ZFHX3: variants seen among roughly 807,000 people sequenced by gnomAD.
The protein encoded by ZFHX3 is zinc finger homeobox protein 3.
ZFHX3 carries 42 observed loss-of-function variants against 279.1 expected under a neutral mutation model. The ratio of observed to expected loss-of-function variants is 0.15; its 90% CI spans 0.12 to 0.19. The LOEUF (loss-of-function observed/expected upper bound fraction) is 0.19. Among genes scored for constraint, ZFHX3 ranks in the 10% least tolerant of loss-of-function variants. The probability of loss-of-function intolerance (pLI) is 1.00; values close to 1 mark genes in which losing one functional copy is unlikely to be tolerated. For missense variants in ZFHX3, 4,981 were observed against 4,754.0 expected (o/e 1.05, Z -1.40); for synonymous variants, 2,293 against 1,957.8 (o/e 1.17, Z -4.52).
intron 3 of ZFHX3, among the ~76,000 whole-genome samples, chr16:72,925,821 AC>A (rs368535615): frequency 1.4e-3 from 210 of 152,346 alleles, no homozygotes; most frequent in Middle Eastern, 3.4e-3. Flanking sequence ...GTGGGCAGTG[AC>A]CATAGCTTTT....
intron 8 of ZFHX3, among the ~76,000 whole-genome samples, chr16:73,090,455 A>C (rs775783394): frequency 7.2e-5 from 11 of 152,242 alleles, no homozygotes; most frequent in Non-Finnish European, 1.6e-4. Context: ...TTCATAAGGC[A>C]AAAAGTATTC....
At chr16:73,199,098 C>T (rs945286669) in intron 5 of ZFHX3, among the ~76,000 whole-genome samples, 3 of 152,182 alleles carry the variant, frequency 2.0e-5, no homozygotes, top group Admixed American at 6.5e-5. Flanking sequence ...CTAGAGTCAT[C>T]TGTGAATTGG....
At chr16:72,887,189 C>G (rs1319717892) in intron 4 of ZFHX3, among the ~76,000 whole-genome samples, 1 of 152,090 alleles carries the variant, frequency 6.6e-6, no homozygotes, top group Non-Finnish European at 1.5e-5. Context: ...CAGAGAGGAG[C>G]AGGTGGGCAG....
intron 5 of ZFHX3, among the ~76,000 whole-genome samples, chr16:73,188,336 A>G (rs1029214731): frequency 6.6e-6 from 1 of 152,200 alleles, no homozygotes; most frequent in Non-Finnish European, 1.5e-5. Context: ...CTGCGATTAC[A>G]GGCATGAGTC....
intron 2 of ZFHX3, among the ~76,000 whole-genome samples, chr16:73,555,258 G>A (rs943429285): frequency 2.0e-4 from 30 of 151,958 alleles, no homozygotes; most frequent in Non-Finnish European, 2.4e-4. Context: ...GGGTTCAAGC[G>A]ATTCTCCTGC....
intron 1 of ZFHX3, among the ~76,000 whole-genome samples, chr16:73,743,368 G>A (rs370996684): frequency 1.3e-5 from 2 of 152,080 alleles, no homozygotes; most frequent in African/African-American, 4.8e-5. Flanking sequence ...CTTTGTCATC[G>A]CAAATTACAA....
At chr16:73,147,406 A>T (rs1272097466) in intron 5 of ZFHX3, among the ~76,000 whole-genome samples, 5 of 151,238 alleles carry the variant, frequency 3.3e-5, no homozygotes, top group Admixed American at 2.6e-4. Flanking sequence ...AGAATAAAAA[A>T]ATTGGGCCGG....
Position 72,933,813 on chromosome 16 carries a change from C to CTTTTTTTTTTTTTTTTT in ZFHX3, c.3216+16639_3216+16655dup, listed in dbSNP as rs71391468. On this transcript the variant is annotated intron_variant, in intron 3 of 9. Coordinates refer to ENST00000268489, the MANE Select transcript of ZFHX3 (RefSeq NM_006885.4). ...TATGAAATGTTTAGCTCACAACTTT[C>CTTTTTTTTTTTTTTTTT]TTTTTTTTTTTTTTTTTTTTTTTGA... Among the ~76,000 whole-genome samples, 32 of 112,468 alleles carry CTTTTTTTTTTTTTTTTT rather than the reference C, an allele frequency of 2.8e-4. 3 individuals are homozygous for CTTTTTTTTTTTTTTTTT. The highest frequency in any genetic ancestry group is 3.7e-4 in the Non-Finnish European group (19 of 50,700). 73.8% of individuals were successfully genotyped at this position (112,468 alleles called of 152,430 possible). A position where few individuals can be genotyped will look rare whatever the true frequency, so the allele number is the denominator to read the frequency against.
Position 72,800,083 on chromosome 16 carries a change from G to A in ZFHX3, c.3911C>T (p.Ala1304Val), listed in dbSNP as rs1404928271. The A allele has an allele frequency of 5.0e-6, 8 of 1,614,194 alleles. No individual in the cohort carries two copies. In the South Asian group the frequency reaches 8.8e-5, roughly 18 times the overall value. The change falls in exon 8 of 10, where the codon GCA (alanine) becomes GTA (valine). Residue 1304 changes from alanine to valine, a missense_variant. Coordinates refer to ENST00000268489, the MANE Select transcript of ZFHX3 (RefSeq NM_006885.4). Reference protein sequence around the residue: ...MVMPSSMFLPAAVPDRDGNSN... With the variant: ...MVMPSSMFLPVAVPDRDGNSN... ...ATTCCCATCTCGATCTGGAACAGCT[G>A]CTGGGAGGAACATGCTGCTTGGCAT...
intron 3 of ZFHX3, among the ~76,000 whole-genome samples, chr16:73,336,726 A>G (rs374042166): frequency 2.0e-5 from 3 of 152,134 alleles, no homozygotes; most frequent in African/African-American, 4.8e-5. Flanking sequence ...GGGTACAATC[A>G]TTGAAGCCTC....
intron 3 of ZFHX3, among the ~76,000 whole-genome samples, chr16:73,367,681 C>A (rs1021380391): frequency 2.6e-5 from 4 of 152,164 alleles, no homozygotes; most frequent in Admixed American, 2.0e-4. Context: ...GGCTTGAATA[C>A]CTCTATCACC....
At chr16:73,168,210 G>GTTTTCTTTCTTTCTTTC in intron 5 of ZFHX3, among the ~76,000 whole-genome samples, 1 of 90,906 alleles carries the variant, frequency 1.1e-5, no homozygotes, top group Non-Finnish European at 2.4e-5. Context: ...AGTTTCTTTT[G>GTTTTCTTTCTTTCTTTC]TTTTCTTTCT....
At chr16:73,814,003 T>A (rs966136883) in intron 1 of ZFHX3, 4 of 152,244 alleles carry the variant, frequency 2.6e-5, no homozygotes, top group Non-Finnish European at 4.4e-5. Flanking sequence ...CACTCTTAAG[T>A]TGTAAGTGAG....
chr16:73,322,330 G>T (rs1396301003), intron 3 of ZFHX3, among the ~76,000 whole-genome samples: 1 of 152,090 alleles, frequency 6.6e-6, no homozygotes, highest in Non-Finnish European at 1.5e-5. Flanking sequence ...TAATGGCGAG[G>T]CAGCTAGGTT....
chr16:73,830,689 G>C (rs1043573681), intron 1 of ZFHX3, among the ~76,000 whole-genome samples: 1 of 152,152 alleles, frequency 6.6e-6, no homozygotes, highest in African/African-American at 2.4e-5. Flanking sequence ...TCAACAAATT[G>C]CACTTGGATC....
intron 1 of ZFHX3, among the ~76,000 whole-genome samples, chr16:72,966,259 A>T (rs1024578174): frequency 2.6e-5 from 4 of 152,230 alleles, no homozygotes. Context: ...ATCAAGACTG[A>T]GGAAAAAAAT....
At chr16:73,059,374 A>ACG (rs1965646931) in exon 1 of ZFHX3, 1 of 46,618 alleles carries the variant, frequency 2.1e-5, no homozygotes, top group Non-Finnish European at 4.2e-5. Context: ...GAGCGCGCGC[A>ACG]CACACACACA....
At chr16:72,964,442 G>C (rs1429986753) in intron 1 of ZFHX3, among the ~76,000 whole-genome samples, 2 of 152,164 alleles carry the variant, frequency 1.3e-5, no homozygotes, top group African/African-American at 4.8e-5. Context: ...TTATGGAGAG[G>C]AAAACAGGAG....
rs2035200561 is a variant in ZFHX3, at chr16:72,783,211, T to C, written c.*3953A>G. On this transcript the variant is annotated 3_prime_UTR_variant, in exon 10 of 10. Transcript: ENST00000268489. ...TTTTGTTTTTTTTTCTTTTTGTACA[T>C]TGCAAAGGCTGTTCATATACCTCTT... The C allele has an allele frequency of 6.6e-6, 1 of 152,398 alleles. No individual in the cohort carries two copies. The highest frequency in any genetic ancestry group is 6.6e-5 in the Admixed American group (1 of 15,256). The allele number at this position is 152,398 out of a possible 1,614,324, so 9.4% of individuals were successfully genotyped here.
Sources: allele counts gnomAD v4.1 joint callset (sites outside exome capture counted in the v4.1 genomes callset), GRCh38; gene constraint gnomAD v4.1.1; transcripts MANE v1.5; gene names NCBI Gene and HGNC (gene_info 2026-07-23, HGNC 2026-07-21).